The following STK39 variants were observed in gnomAD, a reference collection of about 807,000 sequenced individuals.
STK39 encodes serine/threonine kinase 39.
Under a neutral mutation model 77.8 loss-of-function variants are expected in STK39, and 20 were observed. The observed-to-expected ratio is 0.26, with a 90% CI of 0.18 to 0.37. The LOEUF (loss-of-function observed/expected upper bound fraction) is 0.37. STK39 is among the 10% of genes least tolerant of loss of function. STK39 has a pLI of 1.00. For synonymous variants in STK39, 246 were observed against 234.1 expected (o/e 1.05, Z -0.47); for missense variants, 479 against 656.5 (o/e 0.73, Z 2.95).
intron 14 of STK39, among the ~76,000 whole-genome samples, chr2:168,047,355 G>A (rs1437358244): frequency 6.6e-6 from 1 of 152,192 alleles, no homozygotes; most frequent in Non-Finnish European, 1.5e-5. Flanking sequence ...TGCTTTAGAG[G>A]CCTAATAATT....
intron 1 of STK39, among the ~76,000 whole-genome samples, chr2:168,212,480 A>C (rs1689915446): frequency 6.6e-6 from 1 of 152,172 alleles, no homozygotes; most frequent in African/African-American, 2.4e-5. Flanking sequence ...AAAATTACTC[A>C]ACCTCTCTGA....
intron 10 of STK39, among the ~76,000 whole-genome samples, chr2:168,124,092 C>T (rs1687479332): frequency 6.6e-6 from 1 of 152,140 alleles, no homozygotes; most frequent in Non-Finnish European, 1.5e-5. Context: ...TTCCACTTCA[C>T]AGCGGTTCCA....
At chr2:168,217,851 G>T (rs1231069829) in intron 1 of STK39, among the ~76,000 whole-genome samples, 1 of 152,150 alleles carries the variant, frequency 6.6e-6, no homozygotes, top group African/African-American at 2.4e-5. Flanking sequence ...GGACATGGAG[G>T]ACTGACTGTA....
rs961131386 is a variant in STK39 at position 167,954,367 on chromosome 2, A to G, written c.*1129T>C. 1.3e-5 allele frequency: 2 copies of G among 152,620 alleles called. No homozygotes were observed. The highest frequency in any genetic ancestry group is 1.9e-4 in the East Asian group (1 of 5,200). The allele number at this position is 152,620 out of a possible 1,614,324, so 9.5% of individuals were successfully genotyped here. A position where few individuals can be genotyped will look rare whatever the true frequency, so the allele number is the denominator to read the frequency against. ...CAAGCAGAGGGCTACTTGGGTTGAA[A>G]GTATTGATTCTTGAACCTTAACAGC... On this transcript the variant is annotated 3_prime_UTR_variant, in exon 18 of 18. Transcript: ENST00000355999.
chr2:168,223,172 T>C (rs1455946915), intron 1 of STK39, among the ~76,000 whole-genome samples: 1 of 152,090 alleles, frequency 6.6e-6, no homozygotes, highest in East Asian at 1.9e-4. Context: ...TTTCCTCCAA[T>C]TGCCAAGTGA....
At chr2:168,028,792 T>C (rs1052496836) in intron 14 of STK39, among the ~76,000 whole-genome samples, 1 of 152,172 alleles carries the variant, frequency 6.6e-6, no homozygotes, top group African/African-American at 2.4e-5. Flanking sequence ...CTCTCTCCCA[T>C]GCATGAGGCT....
At chr2:167,994,065 AGTCT>A (rs1285977069) in intron 16 of STK39, among the ~76,000 whole-genome samples, 1 of 152,244 alleles carries the variant, frequency 6.6e-6, no homozygotes, top group East Asian at 1.9e-4. Flanking sequence ...TCTGGAATAC[AGTCT>A]TATACCAACC....
At chr2:168,037,508 G>A (rs1003074482) in intron 14 of STK39, among the ~76,000 whole-genome samples, 1 of 152,086 alleles carries the variant, frequency 6.6e-6, no homozygotes, top group Non-Finnish European at 1.5e-5. Flanking sequence ...CCAGTTTTTA[G>A]GTCATTGTTT....
At chr2:167,994,258 C>T (rs1056147890) in intron 16 of STK39, among the ~76,000 whole-genome samples, 2 of 152,158 alleles carry the variant, frequency 1.3e-5, no homozygotes, top group African/African-American at 2.4e-5. Flanking sequence ...CAATTACCAT[C>T]TTCCTGGCTT....
intron 1 of STK39, among the ~76,000 whole-genome samples, chr2:168,239,849 C>T (rs1690714233): frequency 6.6e-6 from 1 of 152,146 alleles, no homozygotes; most frequent in Non-Finnish European, 1.5e-5. Context: ...CCAACAGAGC[C>T]TGAAGGGCAA....
intron 1 of STK39, among the ~76,000 whole-genome samples, chr2:168,198,245 C>T (rs1411404490): frequency 6.6e-6 from 1 of 152,072 alleles, no homozygotes; most frequent in Non-Finnish European, 1.5e-5. Flanking sequence ...AGAATTAGAT[C>T]CCAAACACTT....
chr2:168,107,779 A>G (rs1687011863), intron 10 of STK39, among the ~76,000 whole-genome samples: 1 of 152,226 alleles, frequency 6.6e-6, no homozygotes, highest in Admixed American at 6.5e-5. Flanking sequence ...CCAAGTGGTA[A>G]TAGCTACTGT....
At chr2:168,063,245 A>G (rs1195207733) in intron 14 of STK39, among the ~76,000 whole-genome samples, 1 of 152,206 alleles carries the variant, frequency 6.6e-6, no homozygotes, top group African/African-American at 2.4e-5. Flanking sequence ...AGGAAAAGGC[A>G]AGGAAATAAA....
chr2:168,131,355 T>C (rs941479488), intron 8 of STK39, among the ~76,000 whole-genome samples: 51 of 152,200 alleles, frequency 3.4e-4, no homozygotes, highest in African/African-American at 1.2e-3. Flanking sequence ...TAGGCAACAA[T>C]TACCAAACGC....
At position 168,063,533 on chromosome 2, in the gene STK39, G is replaced by T. The variant is rs191390185; in HGVS notation, c.1343C>A (p.Ser448Tyr). ...CAAAACGAGGTTCACGGCACAAGAAGAAGCTTCTCTGTAGTCTTCATTAGC... is the reference window on the plus strand; with the variant it reads ...CAAAACGAGGTTCACGGCACAAGAATAAGCTTCTCTGTAGTCTTCATTAGC... ...PNANEDYREA[S>Y]SCAVNLVLRL... is the part of the protein sequence containing the mutation. Residue 448 changes from serine to tyrosine, a missense_variant, in exon 14 of 18, where the codon TCT becomes TAT. Physicochemically the swap from Ser to Tyr is moderately radical, Grantham distance 144. Around this residue, in one of 3 missense-constraint regions of STK39, gnomAD observed 244 missense variants for 296.8 expected, o/e 0.82. Coordinates refer to ENST00000355999, the MANE Select transcript of STK39 (RefSeq NM_013233.3). 23 of 1,613,254 alleles carry T rather than the reference G, an allele frequency of 1.4e-5. No homozygotes were observed. The Admixed American group carries it at 3.8e-4, about 27-fold the overall frequency.
At chr2:168,000,896 G>A (rs937635619) in intron 16 of STK39, among the ~76,000 whole-genome samples, 2 of 152,186 alleles carry the variant, frequency 1.3e-5, no homozygotes, top group Non-Finnish European at 2.9e-5. Context: ...GAATCTGATG[G>A]TCTGATTTTG....
rs1489859607 is a variant in STK39, at chr2:168,137,651, C to T, written c.974+437G>A. On this transcript the variant is annotated intron_variant, in intron 8 of 17. Coordinates refer to ENST00000355999, the MANE Select transcript of STK39 (RefSeq NM_013233.3). ...ACAGCACCAACAACTTGTTCTGCAA[C>T]TAACAGGAAGCTCATGCAAAATTCA... is the stretch of plus-strand genomic sequence containing the variant. 2.0e-5 allele frequency among the ~76,000 whole-genome samples: 3 copies of T among 152,204 alleles called. No homozygotes were observed. The East Asian group carries it at 5.8e-4, about 29-fold the overall frequency.
chr2:168,140,450 G>T, intron 6 of STK39, 60 bp from the exon 7 acceptor site: 1 of 1,435,742 alleles, frequency 7.0e-7, no homozygotes, highest in Non-Finnish European at 9.8e-7. Flanking sequence ...ACATCATCAA[G>T]TCCATGTCAT....
intron 16 of STK39, among the ~76,000 whole-genome samples, chr2:167,998,257 C>G (rs987993692): frequency 3.9e-5 from 6 of 152,200 alleles, no homozygotes; most frequent in African/African-American, 1.4e-4. Flanking sequence ...CAAGAACTTA[C>G]TTTACTGCAC....
Sources: gnomAD v4.1 joint callset for allele counts (sites outside exome capture counted in the v4.1 genomes callset) on GRCh38, gnomAD v4.1.1 for gene constraint, gnomAD v4.1.1 regional missense constraint, MANE v1.5 for transcripts, NCBI Gene and HGNC (gene_info 2026-07-23, HGNC 2026-07-21) for gene names.